The following POLK variants were observed in gnomAD, a reference collection of about 807,000 sequenced individuals.
POLK encodes polymerase (DNA directed) kappa.
Under a neutral mutation model 94.0 loss-of-function variants are expected in POLK, and 76 were observed. The ratio of observed to expected loss-of-function variants is 0.81; its 90% CI spans 0.67 to 0.98. The LOEUF is 0.98. Among genes scored for constraint, POLK ranks in the 50% least tolerant of loss-of-function variants. POLK has a pLI of 0.00. For missense variants in POLK, 954 were observed against 1,010.1 expected (o/e 0.94, Z 0.75); for synonymous variants, 349 against 325.4 (o/e 1.07, Z -0.78).
At chr5:75,567,211 T>G (rs5744628) in intron 3 of POLK, among the ~76,000 whole-genome samples, 2,354 of 152,000 alleles carry the variant, frequency 0.015, 63 homozygotes, top group African/African-American at 0.053. Flanking sequence ...CTATTTATTA[T>G]CTTTTTCTTT....
rs934813378 is a variant in POLK, at chr5:75,573,941, T to A, written c.540+72T>A. The A allele has an allele frequency of 7.4e-6, 11 of 1,492,666 alleles. No individual in the cohort carries two copies. In the African/African-American group the frequency reaches 1.2e-4, roughly 17 times the overall value. The allele number at this position is 1,492,666 out of a possible 1,614,324, so 92.5% of individuals were successfully genotyped here. On this transcript the variant is annotated intron_variant, in intron 5 of 14. Coordinates refer to ENST00000241436, the Ensembl canonical transcript of POLK. ...TCACCTACAGAATCTCAAGTCCAAGTGCCTTAGCACGTAGGATTTGGTCTT... is the reference window on the plus strand; with the variant it reads ...TCACCTACAGAATCTCAAGTCCAAGAGCCTTAGCACGTAGGATTTGGTCTT...
At position 75,564,673 on chromosome 5, in the gene POLK, T is replaced by C. The variant is rs575855267; in HGVS notation, c.256-4667T>C. Among the ~76,000 whole-genome samples, 424 of 152,326 alleles carry C rather than the reference T, an allele frequency of 2.8e-3. 1 individual carries two copies. Among genetic ancestry groups the C allele is most frequent in the Non-Finnish European group, 4.8e-3 (324 of 68,032 alleles). On this transcript the variant is annotated intron_variant, in intron 3 of 14. Transcript: ENST00000241436. ...AAGCTTAATTTAGCTGGATATGAAA[T>C]TCTGGGTTGAAAATTCTTTAAGAAT...
intron 1 of POLK, among the ~76,000 whole-genome samples, chr5:75,517,316 A>G (rs912933124): frequency 6.6e-6 from 1 of 152,078 alleles, no homozygotes; most frequent in Non-Finnish European, 1.5e-5. Context: ...AATTTTCTTC[A>G]TCAGTGTTTT....
chr5:75,557,980 G>C (rs752348915), intron 3 of POLK, among the ~76,000 whole-genome samples: 8 of 152,012 alleles, frequency 5.3e-5, no homozygotes, highest in Non-Finnish European at 8.8e-5. Flanking sequence ...GTTGAGACAG[G>C]GTTTCACCAT....
chr5:75,587,546 G>A (rs531685182), intron 10 of POLK, among the ~76,000 whole-genome samples: 32 of 152,240 alleles, frequency 2.1e-4, no homozygotes, highest in Admixed American at 5.2e-4. Flanking sequence ...GAAACTTACC[G>A]TTTGGGGAAA....
intron 1 of POLK, among the ~76,000 whole-genome samples, chr5:75,524,423 T>C (rs1768735686): frequency 6.6e-6 from 1 of 152,208 alleles, no homozygotes; most frequent in Non-Finnish European, 1.5e-5. Flanking sequence ...TCTTAGGCTC[T>C]TGGAGAAGTC....
intron 1 of POLK, among the ~76,000 whole-genome samples, chr5:75,530,948 G>A (rs542674271): frequency 3.3e-4 from 50 of 151,794 alleles, no homozygotes; most frequent in African/African-American, 1.1e-3. Flanking sequence ...TGGGACTACA[G>A]GTGCCTGCCA....
At chr5:75,549,322 A>G (rs1206581411) in intron 2 of POLK, among the ~76,000 whole-genome samples, 35 of 151,852 alleles carry the variant, frequency 2.3e-4, no homozygotes, top group East Asian at 1.9e-4. Flanking sequence ...TTCTTTTCCT[A>G]CTGATCTGGT....
chr5:75,609,265 A>G, the POLK span: 1 of 151,926 alleles, frequency 6.6e-6, no homozygotes, highest in African/African-American at 2.4e-5. Flanking sequence ...TTTATATTAA[A>G]AAAAAATTTT....
chr5:75,534,117 T>C (rs1418360328), intron 1 of POLK, among the ~76,000 whole-genome samples: 1 of 152,000 alleles, frequency 6.6e-6, no homozygotes, highest in African/African-American at 2.4e-5. Context: ...AATACAAAAA[T>C]TAGCTGGGCA....
chr5:75,589,481 C>T (rs939238469), intron 10 of POLK, among the ~76,000 whole-genome samples: 3 of 151,164 alleles, frequency 2.0e-5, no homozygotes, highest in East Asian at 3.9e-4. Context: ...GAGGGAGTCT[C>T]GCTCTGTCGC....
At chr5:75,579,330 G>A (rs1475994390) in intron 6 of POLK, among the ~76,000 whole-genome samples, 1 of 151,916 alleles carries the variant, frequency 6.6e-6, no homozygotes. Flanking sequence ...GCTCCAGGTA[G>A]ATACCATTTC....
At chr5:75,571,567 C>T (rs1229621879) in intron 4 of POLK, among the ~76,000 whole-genome samples, 1 of 152,164 alleles carries the variant, frequency 6.6e-6, no homozygotes, top group Non-Finnish European at 1.5e-5. Flanking sequence ...ATAGGTCTGG[C>T]ACTTCGACTG....
At chr5:75,525,504 A>G (rs1295264260) in intron 1 of POLK, among the ~76,000 whole-genome samples, 1 of 152,198 alleles carries the variant, frequency 6.6e-6, no homozygotes, top group African/African-American at 2.4e-5. Flanking sequence ...AAAAACAACA[A>G]CAACAACAGA....
chr5:75,538,226 C>T (rs1040031462), intron 1 of POLK, among the ~76,000 whole-genome samples: 4 of 152,278 alleles, frequency 2.6e-5, no homozygotes, highest in African/African-American at 9.6e-5. Flanking sequence ...TAGCTGTTAA[C>T]ATTTTATGAA....
intron 3 of POLK, among the ~76,000 whole-genome samples, chr5:75,568,036 T>C (rs1252938318): frequency 1.3e-5 from 2 of 151,894 alleles, no homozygotes; most frequent in Non-Finnish European, 2.9e-5. Context: ...TTCTGCAGAG[T>C]GGAGGCAAAG....
chr5:75,536,630 G>T (rs576411294), intron 1 of POLK, among the ~76,000 whole-genome samples: 1 of 151,892 alleles, frequency 6.6e-6, no homozygotes, highest in East Asian at 2.0e-4. Context: ...CCTGCCCCCT[G>T]GGTGTTTGCT....
At chr5:75,535,892 G>C (rs1166520031) in intron 1 of POLK, among the ~76,000 whole-genome samples, 1 of 152,072 alleles carries the variant, frequency 6.6e-6, no homozygotes, top group Non-Finnish European at 1.5e-5. Context: ...ATTGGGTTTT[G>C]ACTGTCTCCT....
intron 11 of POLK, among the ~76,000 whole-genome samples, chr5:75,590,948 A>C (rs975844873): frequency 6.6e-6 from 1 of 152,124 alleles, no homozygotes; most frequent in Non-Finnish European, 1.5e-5. Flanking sequence ...TATAATCTTC[A>C]CTCACAACAA....
Sources: allele counts gnomAD v4.1 joint callset (sites outside exome capture counted in the v4.1 genomes callset), GRCh38; gene constraint gnomAD v4.1.1; transcripts MANE v1.5; gene names NCBI Gene and HGNC (gene_info 2026-07-23, HGNC 2026-07-21).